Variants in FREM2 observed in about 807,000 individuals in gnomAD.
FREM2 encodes the protein FRAS1-related extracellular matrix protein 2.
FREM2 carries 119 observed loss-of-function variants against 219.9 expected under a neutral mutation model. The ratio of observed to expected loss-of-function variants is 0.54; its 90% confidence interval spans 0.47 to 0.63. FREM2 has a LOEUF of 0.63. Among genes scored for constraint, FREM2 ranks in the 30% least tolerant of loss-of-function variants. The pLI is 0.00. For synonymous variants in FREM2, 1,562 were observed against 1,522.8 expected, an observed-to-expected ratio of 1.03 and a Z score of -0.60; for missense variants, 4,030 against 3,993.6, an observed-to-expected ratio of 1.01 and a Z score of -0.25.
Position 38,692,759 on chromosome 13 carries a change from G to A in FREM2, c.5173+242G>A, listed in dbSNP as rs192962224. ...TTGAAAGTGGCAAGGATAGGCTGCC[G>A]AAGCAGGAGGTGAACTTTGGTGAAT... On this transcript the variant is annotated intron_variant, in intron 1 of 23. Coordinates refer to ENST00000280481, the MANE Select transcript of FREM2 (RefSeq NM_207361.6). Among the ~76,000 whole-genome samples the A allele has an allele frequency of 3.7e-4, 56 of 152,308 alleles. No individual in the cohort carries two copies. The East Asian group carries it at 8.7e-3, about 24-fold the overall frequency.
rs969351811 is a variant in FREM2, at chr13:38,783,119, T to C, written c.5691T>C (p.Val1897=). 1 of 1,613,950 alleles carries C rather than the reference T, an allele frequency of 6.2e-7. No individual in the cohort carries two copies. The highest frequency in any genetic ancestry group is 1.7e-5 in the Admixed American group (1 of 60,012). The change falls in exon 5 of 24, where the codon GTT becomes GTC. Residue 1897 remains valine (V), a synonymous_variant. Transcript: ENST00000280481. ...CCAAATACTCCGTTGAAGAAGATGT[T>C]GGTGAGCTGTTCATTCCCATCAGGA... ...PQSKYSVEED[V]GELFIPIRRS...
rs780977632 is a variant in FREM2 at position 38,848,520 on chromosome 13, C to A, written c.6229C>A (p.Gln2077Lys). The A allele has an allele frequency of 6.2e-7, 1 of 1,614,016 alleles. No individual in the cohort carries two copies. Among genetic ancestry groups the A allele is most frequent in the Non-Finnish European group, 8.5e-7 (1 of 1,179,928 alleles). The change falls in exon 8 of 24, where the codon CAG becomes AAG. Residue 2077 changes from glutamine to lysine, a missense_variant. By Grantham distance (53) the Gln-to-Lys change is moderately conservative. Around this residue, in one of 2 missense-constraint regions of FREM2, gnomAD observed 3,102 missense variants for 2,950.7 expected, o/e 1.05. Coordinates refer to ENST00000280481, the MANE Select transcript of FREM2 (RefSeq NM_207361.6). The part of the protein sequence containing the change: ...NLDFAPGVNM[Q>K]PVRVVILDDL... ...AGATTTTGCACCTGGAGTCAACATG[C>A]AGCCTGTTCGTGTTGTCATTCTGGA...
chr13:38,868,957 C>A (rs1046475439), intron 16 of FREM2, among the ~76,000 whole-genome samples: 8 of 152,208 alleles, frequency 5.3e-5, no homozygotes, highest in Admixed American at 1.3e-4. Context: ...ACAGCCCCTG[C>A]AGCAAGCCAG....
At chr13:38,798,527 T>C (rs1159606018) in intron 6 of FREM2, among the ~76,000 whole-genome samples, 1 of 152,142 alleles carries the variant, frequency 6.6e-6, no homozygotes, top group Non-Finnish European at 1.5e-5. Flanking sequence ...TTGTACTAGT[T>C]TTAGAAGAAT....
intron 17 of FREM2, among the ~76,000 whole-genome samples, chr13:38,874,085 T>C (rs1878260205): frequency 6.6e-6 from 1 of 152,198 alleles, no homozygotes; most frequent in African/African-American, 2.4e-5. Flanking sequence ...CAGAGGTTTC[T>C]TTAAGTCTAT....
chr13:38,848,053 ATACT>A, intron 7 of FREM2, among the ~76,000 whole-genome samples: 1 of 152,340 alleles, frequency 6.6e-6, no homozygotes, highest in Admixed American at 6.5e-5. Flanking sequence ...AGATACATAA[ATACT>A]TAATTAATGT....
chr13:38,859,304 T>C lies in FREM2; in HGVS notation c.7233T>C (p.Tyr2411=), dbSNP rs1877670728. The C allele has an allele frequency of 1.2e-6, 2 of 1,614,192 alleles. No individual in the cohort carries two copies. Among genetic ancestry groups the C allele is most frequent in the African/African-American group, 2.7e-5 (2 of 75,060 alleles). The part of the protein sequence containing the change: ...VICITACNPK[Y]SDYDKTGSIC... ...TTCCGTAGGCTTGCAACCCCAAATA[T>C]TCAGACTACGATAAAACAGGCTCTA... The change falls in exon 14 of 24, where the codon TAT becomes TAC. Residue 2411 remains tyrosine (Y), a synonymous_variant. Transcript: ENST00000280481.
intron 2 of FREM2, among the ~76,000 whole-genome samples, chr13:38,721,148 C>G (rs1199125029): frequency 1.3e-5 from 2 of 152,110 alleles, no homozygotes; most frequent in South Asian, 2.1e-4. Context: ...CACATGTACC[C>G]TGGAACTTAA....
At chr13:38,861,691 T>C (rs1877769345) in intron 15 of FREM2, 129 bp downstream of exon 15, 1 of 964,772 alleles carries the variant, frequency 1.0e-6, no homozygotes, top group African/African-American at 1.6e-5. Flanking sequence ...TTCAAGTCCT[T>C]CCACTTCTTT....
Position 38,872,832 on chromosome 13 carries a change from C to G in FREM2, c.8074C>G (p.Gln2692Glu). The change falls in exon 17 of 24, where the codon CAG becomes GAG. Residue 2692 changes from glutamine (Q) to glutamate (E), a missense_variant. By Grantham distance (29) the Gln-to-Glu change is conservative. Transcript: ENST00000280481. ...FHSPVGVGGW[Q>E]HFDLKSELRL... ...TTCCCCCGTGGGGGTAGGAGGCTGG[C>G]AGCATTTTGACTTGAAGTCAGAGCT... 2 of 1,614,030 alleles carry G rather than the reference C, an allele frequency of 1.2e-6. No individual in the cohort carries two copies. Among genetic ancestry groups the G allele is most frequent in the Non-Finnish European group, 1.7e-6 (2 of 1,179,934 alleles).
chr13:38,835,763 T>C (rs1052522319), intron 6 of FREM2, among the ~76,000 whole-genome samples: 1 of 152,234 alleles, frequency 6.6e-6, no homozygotes, highest in Non-Finnish European at 1.5e-5. Flanking sequence ...TATTGGTGTA[T>C]AGGAATGCTT....
chr13:38,699,584 G>A (rs563177811), intron 2 of FREM2, among the ~76,000 whole-genome samples: 1 of 152,148 alleles, frequency 6.6e-6, no homozygotes, highest in African/African-American at 2.4e-5. Context: ...AGTTTCATGT[G>A]AGAGATAAAA....
intron 6 of FREM2, among the ~76,000 whole-genome samples, chr13:38,818,357 C>T (rs1183875337): frequency 6.6e-6 from 1 of 152,012 alleles, no homozygotes; most frequent in Non-Finnish European, 1.5e-5. Context: ...AGTCATAAAA[C>T]ATAATGAAAT....
intron 6 of FREM2, among the ~76,000 whole-genome samples, chr13:38,799,304 A>T (rs908802204): frequency 6.6e-6 from 1 of 151,542 alleles, no homozygotes; most frequent in African/African-American, 2.4e-5. Context: ...TTCTAGTTTT[A>T]TTCCATTATG....
chr13:38,688,560 C>T lies in FREM2; in HGVS notation c.1216C>T (p.Arg406Cys), dbSNP rs1332308902. 9 of 1,613,350 alleles carry T rather than the reference C, an allele frequency of 5.6e-6. No individual in the cohort carries two copies. The highest frequency in any genetic ancestry group is 1.7e-5 in the Admixed American group (1 of 59,960). The change falls in exon 1 of 24, where the codon CGC becomes TGC. Residue 406 changes from arginine to cysteine, a missense_variant. Physicochemically the swap from Arg to Cys is radical, Grantham distance 180. Around this residue, in one of 2 missense-constraint regions of FREM2, gnomAD observed 3,102 missense variants for 2,950.7 expected, o/e 1.05. Coordinates refer to ENST00000280481, the MANE Select transcript of FREM2 (RefSeq NM_207361.6). ...CCCTTCTGAAGACTCTGACCAGGAG[C>T]GCCTCTTTGAACTGGAATTGGAGGT... ...QPPSEDSDQE[R>C]LFELELEVVD...
intron 2 of FREM2, among the ~76,000 whole-genome samples, chr13:38,711,913 CTT>C (rs1224297915): frequency 3.6e-4 from 39 of 107,552 alleles, no homozygotes; most frequent in African/African-American, 1.2e-3. Flanking sequence ...CTGATAATTT[CTT>C]TTTTTTTTTT....
At position 38,692,024 on chromosome 13, in the gene FREM2, CAG is replaced by C. The variant is rs750105356; in HGVS notation, c.4684_4685del (p.Asp1562TyrfsTer3). The C allele has an allele frequency of 6.2e-7, 1 of 1,614,220 alleles. No individual in the cohort carries two copies. Among genetic ancestry groups the C allele is most frequent in the Non-Finnish European group, 8.5e-7 (1 of 1,180,048 alleles). ...ITPFELTVED[R>X]DTPDKLLKFT... ...CTCCTTTTGAGCTCACTGTCGAAGA[CAG>C]AGATACTCCTGACAAGCTCCTGAAA... On this transcript the variant is annotated frameshift_variant, in exon 1 of 24. Coordinates refer to ENST00000280481, the MANE Select transcript of FREM2 (RefSeq NM_207361.6). LOFTEE classifies it high-confidence loss of function.
chr13:38,870,836 A>G (rs1264109720), intron 16 of FREM2, among the ~76,000 whole-genome samples: 1 of 152,230 alleles, frequency 6.6e-6, no homozygotes, highest in Non-Finnish European at 1.5e-5. Context: ...CCAAAATAGC[A>G]TACTCAGTAA....
Position 38,880,837 on chromosome 13 carries a change from A to G in FREM2, c.*50A>G, listed in dbSNP as rs1285592707. On this transcript the variant is annotated 3_prime_UTR_variant, in exon 24 of 24. Transcript: ENST00000280481. ...TTCCGTAAGTGCCTCGGAAAAGATC[A>G]CAATGGAACCTTAAATACTTCTGGT... 5.6e-6 allele frequency: 9 copies of G among 1,599,488 alleles called. No homozygotes were observed. Among genetic ancestry groups the G allele is most frequent in the Non-Finnish European group, 3.4e-6 (4 of 1,168,068 alleles).
Sources: gnomAD v4.1 joint callset for allele counts (sites outside exome capture counted in the v4.1 genomes callset) on GRCh38, gnomAD v4.1.1 for gene constraint, gnomAD v4.1.1 regional missense constraint, MANE v1.5 for transcripts, NCBI Gene and HGNC (gene_info 2026-07-23, HGNC 2026-07-21) for gene names.